Variants in DTD1 observed in about 807,000 individuals in gnomAD.
DTD1 encodes D-tyrosyl-tRNA deacylase 1 homolog.
In DTD1, 13 loss-of-function variants were observed where a neutral mutation model predicts 25.6. That is an observed-to-expected ratio of 0.51 (90% CI 0.33 to 0.81). The LOEUF (loss-of-function observed/expected upper bound fraction) is 0.81. Among genes scored for constraint, DTD1 ranks in the 30% least tolerant of loss-of-function variants. DTD1 has a pLI of 0.02. For missense variants in DTD1, 193 were observed against 266.4 expected (o/e 0.72, Z 1.92); for synonymous variants, 110 against 103.6 (o/e 1.06, Z -0.37).
rs1238826416 is a variant in DTD1 at position 18,759,463 on chromosome 20, G to A, written c.*20-3897G>A. On this transcript the variant is annotated intron_variant, in intron 5 of 5. Coordinates refer to ENST00000377452, the MANE Select transcript of DTD1 (RefSeq NM_080820.6). ...CCAATCTCTCAGCATTTGCTTGTCT[G>A]TAAAGTATTTTATTTCTCCTTCACT... Among the ~76,000 whole-genome samples, 3 of 152,198 alleles carry A rather than the reference G, an allele frequency of 2.0e-5. No individual in the cohort carries two copies. The East Asian group carries it at 5.8e-4, about 29-fold the overall frequency.
chr20:18,723,457 G>A (rs2061212742), intron 4 of DTD1, among the ~76,000 whole-genome samples: 1 of 152,166 alleles, frequency 6.6e-6, no homozygotes, highest in Non-Finnish European at 1.5e-5. Flanking sequence ...CCTGTCCAAG[G>A]CATTTACAAA....
chr20:18,656,574 A>G (rs1193132913), intron 4 of DTD1, among the ~76,000 whole-genome samples: 1 of 152,204 alleles, frequency 6.6e-6, no homozygotes, highest in East Asian at 1.9e-4. Flanking sequence ...AACACGAAGG[A>G]GCACATGGAT....
At chr20:18,635,774 G>A (rs2060804960) in intron 4 of DTD1, among the ~76,000 whole-genome samples, 2 of 152,194 alleles carry the variant, frequency 1.3e-5, no homozygotes, top group Admixed American at 6.5e-5. Context: ...TTAAAAAGAA[G>A]CCTTTACAAG....
intron 3 of DTD1, among the ~76,000 whole-genome samples, chr20:18,620,567 C>T (rs1354564155): frequency 2.0e-5 from 3 of 151,930 alleles, no homozygotes; most frequent in Admixed American, 6.6e-5. Context: ...AATTTTCCTA[C>T]AGCTTTCATA....
intron 4 of DTD1, among the ~76,000 whole-genome samples, chr20:18,693,682 C>T (rs1378017610): frequency 4.0e-5 from 6 of 151,802 alleles, no homozygotes; most frequent in Admixed American, 6.6e-5. Flanking sequence ...AATTGTCTTC[C>T]GCATGGATCA....
chr20:18,728,021 G>A (rs1683514472), intron 4 of DTD1, among the ~76,000 whole-genome samples: 1 of 152,214 alleles, frequency 6.6e-6, no homozygotes, highest in Non-Finnish European at 1.5e-5. Flanking sequence ...TGAAGGAAAG[G>A]TAGCAGTGGC....
intron 4 of DTD1, among the ~76,000 whole-genome samples, chr20:18,733,437 C>A (rs1241313423): frequency 3.3e-5 from 5 of 152,174 alleles, no homozygotes. Flanking sequence ...CTGGCAGTGT[C>A]TGTGGTGGGG....
chr20:18,712,761 C>A (rs1271897245), intron 4 of DTD1, among the ~76,000 whole-genome samples: 14 of 152,214 alleles, frequency 9.2e-5, no homozygotes, highest in Non-Finnish European at 1.5e-5. Context: ...TTGCTCTAAG[C>A]ATAGAACAAT....
chr20:18,640,656 A>C (rs2060824801), intron 4 of DTD1, among the ~76,000 whole-genome samples: 2 of 144,266 alleles, frequency 1.4e-5, no homozygotes, highest in South Asian at 4.4e-4. Flanking sequence ...TTTAAGACGG[A>C]GTCTCGCTCT....
chr20:18,754,433 A>G (rs2061331492), intron 5 of DTD1, among the ~76,000 whole-genome samples: 1 of 152,208 alleles, frequency 6.6e-6, no homozygotes, highest in African/African-American at 2.4e-5. Flanking sequence ...CCTCTGGGTC[A>G]TGTCTGCCCT....
intron 4 of DTD1, among the ~76,000 whole-genome samples, chr20:18,675,766 A>G (rs55831828): frequency 2.6e-5 from 3 of 116,500 alleles, no homozygotes; most frequent in Non-Finnish European, 4.0e-5. Context: ...ACCTATGTGT[A>G]TATTTACACA....
At chr20:18,640,289 C>T (rs567002116) in intron 4 of DTD1, among the ~76,000 whole-genome samples, 8 of 151,962 alleles carry the variant, frequency 5.3e-5, no homozygotes, top group African/African-American at 1.7e-4. Context: ...TCTCATGAGT[C>T]CATAAAATAG....
chr20:18,730,196 G>T (rs1161438464), intron 4 of DTD1, among the ~76,000 whole-genome samples: 1 of 152,044 alleles, frequency 6.6e-6, no homozygotes, highest in African/African-American at 2.4e-5. Context: ...ATAGTTTAAA[G>T]AACTCTCTTC....
At chr20:18,738,880 T>TG (rs1471377231) in intron 4 of DTD1, among the ~76,000 whole-genome samples, 2 of 152,230 alleles carry the variant, frequency 1.3e-5, no homozygotes, top group Non-Finnish European at 2.9e-5. Context: ...TAGGTGGAAA[T>TG]GCTAAGTGGG....
chr20:18,637,893 G>C (rs2060813446), intron 4 of DTD1, among the ~76,000 whole-genome samples: 1 of 152,046 alleles, frequency 6.6e-6, no homozygotes, highest in Non-Finnish European at 1.5e-5. Flanking sequence ...TTGTGTCTCT[G>C]CTCATCCACC....
chr20:18,645,713 G>A (rs1347576287), intron 4 of DTD1, among the ~76,000 whole-genome samples: 17 of 152,124 alleles, frequency 1.1e-4, no homozygotes, highest in Admixed American at 1.1e-3. Context: ...TTGGTACCTG[G>A]GTTATGGGTA....
At chr20:18,745,655 G>A (rs140452785) in intron 5 of DTD1, among the ~76,000 whole-genome samples, 15 of 152,322 alleles carry the variant, frequency 9.8e-5, no homozygotes, top group Admixed American at 2.0e-4. Flanking sequence ...AGGTTGGGGG[G>A]CAAGGACAGG....
intron 4 of DTD1, among the ~76,000 whole-genome samples, chr20:18,726,125 G>A (rs1324015928): frequency 6.6e-6 from 1 of 152,200 alleles, no homozygotes; most frequent in East Asian, 1.9e-4. Flanking sequence ...ACATGTTTAG[G>A]GATGTGTCTG....
At chr20:18,656,190 G>C (rs898269237) in intron 4 of DTD1, among the ~76,000 whole-genome samples, 1 of 152,154 alleles carries the variant, frequency 6.6e-6, no homozygotes, top group Admixed American at 6.5e-5. Context: ...AATAAAGAAG[G>C]CTTGGATATT....
Sources: allele counts gnomAD v4.1 joint callset (sites outside exome capture counted in the v4.1 genomes callset), GRCh38; gene constraint gnomAD v4.1.1; transcripts MANE v1.5; gene names NCBI Gene and HGNC (gene_info 2026-07-23, HGNC 2026-07-21).